SOX6: variants seen among roughly 807,000 people sequenced by gnomAD.
SOX6 encodes the protein transcription factor SOX-6.
A neutral mutation model predicts 97.8 loss-of-function variants in SOX6; 11 were observed. The ratio of observed to expected loss-of-function variants is 0.11; its 90% CI spans 0.07 to 0.19. The LOEUF (loss-of-function observed/expected upper bound fraction) is 0.19. Ranked by LOEUF, SOX6 falls within the 10% of genes least tolerant of loss-of-function variation. SOX6 has a pLI of 1.00. For synonymous variants in SOX6, 360 were observed against 371.4 expected (o/e 0.97, Z 0.35); for missense variants, 810 against 1,039.5 (o/e 0.78, Z 3.04).
At chr11:16,738,089 T>G (rs1848407997) in intron 1 of SOX6, among the ~76,000 whole-genome samples, 1 of 151,788 alleles carries the variant, frequency 6.6e-6, no homozygotes, top group Non-Finnish European at 1.5e-5. Context: ...CAACCGCCAA[T>G]TAGCCAACAT....
Position 16,300,303 on chromosome 11 carries a change from C to T in SOX6, c.445+18143G>A, listed in dbSNP as rs1036188849. 1.3e-5 allele frequency among the ~76,000 whole-genome samples: 2 copies of T among 152,166 alleles called. No homozygotes were observed. Among genetic ancestry groups the T allele is most frequent in the African/African-American group, 4.8e-5 (2 of 41,436 alleles). ...AATGGAGAAAGTCCACAATATTAGA[C>T]ATTTTTACTGTCCCTTCCTTAAGAA... On this transcript the variant is annotated intron_variant, in intron 3 of 15. Transcript: ENST00000683767. This position sits in a 1 kb window ranked among gnomAD's most constrained non-coding sequence, Gnocchi z 4.1.
intron 3 of SOX6, among the ~76,000 whole-genome samples, chr11:16,708,645 A>G (rs1848154444): frequency 6.6e-6 from 1 of 152,194 alleles, no homozygotes; most frequent in African/African-American, 2.4e-5. Context: ...AGAATTACCT[A>G]AAAACTCTGC....
At chr11:15,988,423 T>C (rs1853934644) in intron 14 of SOX6, among the ~76,000 whole-genome samples, 2 of 152,200 alleles carry the variant, frequency 1.3e-5, no homozygotes, top group African/African-American at 4.8e-5. Flanking sequence ...AAATTTGAAC[T>C]AGTCATATCT....
rs938701696 is a variant in SOX6, at chr11:16,300,748, C to G, written c.445+17698G>C. On this transcript the variant is annotated intron_variant, in intron 3 of 15. Coordinates refer to ENST00000683767, the MANE Select transcript of SOX6 (RefSeq NM_001367873.1). This position sits in a 1 kb window ranked among gnomAD's most constrained non-coding sequence, Gnocchi z 4.1. Reference sequence around the variant, plus strand: ...TTAACAACTAGGAAATTCACTTCTACCTAGGCCACCTCAACACTTCTAGAT... The same window carrying G: ...TTAACAACTAGGAAATTCACTTCTAGCTAGGCCACCTCAACACTTCTAGAT... Among the ~76,000 whole-genome samples, 2 of 152,096 alleles carry G rather than the reference C, an allele frequency of 1.3e-5. No homozygotes were observed. Among genetic ancestry groups the G allele is most frequent in the African/African-American group, 2.4e-5 (1 of 41,386 alleles).
In SOX6 at chr11:16,341,229, G is replaced by A. The variant is rs1161227001; in HGVS notation, c.20C>T (p.Thr7Ile). 1.9e-6 allele frequency: 3 copies of A among 1,613,300 alleles called. No individual in the cohort carries two copies. Among genetic ancestry groups the A allele is most frequent in the Admixed American group, 3.3e-5 (2 of 59,922 alleles). ...ATCAGCTGCACAGGCAAATGGAGAG[G>A]TGGCTTGCTTGGAAGACATTCTTCT... MSSKQA[T>I]SPFACAADGE... The change falls in exon 2 of 16, where the codon ACC (threonine) becomes ATC (isoleucine). Residue 7 changes from threonine (T) to isoleucine (I), a missense_variant. Thr to Ile is a moderately conservative substitution (Grantham distance 89, BLOSUM62 -1). This residue lies in a region of SOX6 where 100 missense variants were observed against 94.6 expected (regional missense o/e 1.06). Coordinates refer to ENST00000683767, the MANE Select transcript of SOX6 (RefSeq NM_001367873.1).
chr11:16,666,621 T>C (rs139165937), intron 3 of SOX6, among the ~76,000 whole-genome samples: 1 of 151,890 alleles, frequency 6.6e-6, no homozygotes, highest in East Asian at 1.9e-4. Context: ...GCCTGGCAAA[T>C]ATGGCAAAAC....
At chr11:16,092,723 A>G (rs1472829064) in intron 9 of SOX6, among the ~76,000 whole-genome samples, 1 of 151,924 alleles carries the variant, frequency 6.6e-6, no homozygotes, top group East Asian at 1.9e-4. Context: ...ATTTTGTTTA[A>G]TATAAGCTAC....
intron 12 of SOX6, among the ~76,000 whole-genome samples, chr11:16,043,186 A>G (rs1855725569): frequency 6.6e-6 from 1 of 152,156 alleles, no homozygotes. Flanking sequence ...TCAAAACAAC[A>G]AAATTTGGTA....
In SOX6 at chr11:16,300,497, G is replaced by A. The variant is rs1028623057; in HGVS notation, c.445+17949C>T. Among the ~76,000 whole-genome samples the A allele has an allele frequency of 3.3e-5, 5 of 152,090 alleles. No homozygotes were observed. Among genetic ancestry groups the A allele is most frequent in the African/African-American group, 4.8e-5 (2 of 41,434 alleles). ...AGTAAATAAGCAGTGGACACAAATC[G>A]TTATCCTTACTTACAGCTGCCCCAC... is the stretch of plus-strand genomic sequence containing the variant. On this transcript the variant is annotated intron_variant, in intron 3 of 15. Coordinates refer to ENST00000683767, the MANE Select transcript of SOX6 (RefSeq NM_001367873.1). The surrounding 1 kb of genome is among the most constrained non-coding windows in gnomAD (Gnocchi z 4.1).
At chr11:16,089,875 T>A (rs1304373312) in intron 9 of SOX6, among the ~76,000 whole-genome samples, 2 of 152,130 alleles carry the variant, frequency 1.3e-5, no homozygotes, top group Admixed American at 1.3e-4. Flanking sequence ...TCCTGACTTA[T>A]TCCATGGTTG....
chr11:16,544,629 T>A (rs1239456764), intron 4 of SOX6, among the ~76,000 whole-genome samples: 2 of 152,150 alleles, frequency 1.3e-5, no homozygotes, highest in East Asian at 3.9e-4. Context: ...TGCACAACAT[T>A]ATAAATATAC....
chr11:16,682,900 C>A (rs932149155), intron 3 of SOX6, among the ~76,000 whole-genome samples: 4 of 152,196 alleles, frequency 2.6e-5, no homozygotes, highest in African/African-American at 9.6e-5. Flanking sequence ...TCTCAGGATA[C>A]AAAATCAATG....
At chr11:16,675,460 C>A (rs914978787) in intron 3 of SOX6, among the ~76,000 whole-genome samples, 1 of 152,126 alleles carries the variant, frequency 6.6e-6, no homozygotes, top group East Asian at 1.9e-4. Flanking sequence ...CATAGATATA[C>A]AATTATTGGT....
intron 3 of SOX6, among the ~76,000 whole-genome samples, chr11:16,271,297 C>T (rs1854253296): frequency 6.6e-6 from 1 of 151,064 alleles, no homozygotes; most frequent in South Asian, 2.1e-4. Context: ...AGTATTTTTC[C>T]ATCAATATTT....
chr11:16,702,117 T>C (rs985991278), intron 3 of SOX6, among the ~76,000 whole-genome samples: 1 of 152,074 alleles, frequency 6.6e-6, no homozygotes, highest in East Asian at 1.9e-4. Context: ...GGAAATAGAG[T>C]GAACGAATTT....
intron 4 of SOX6, among the ~76,000 whole-genome samples, chr11:16,513,333 A>G (rs1590228825): frequency 1.3e-5 from 2 of 152,354 alleles, no homozygotes; most frequent in South Asian, 4.1e-4. Context: ...CAGGGGATAA[A>G]GTAAAACAGT....
chr11:16,418,512 A>G (rs1858967357), intron 1 of SOX6, among the ~76,000 whole-genome samples: 1 of 152,196 alleles, frequency 6.6e-6, no homozygotes, highest in African/African-American at 2.4e-5. Context: ...GCCTTAAAAA[A>G]AGTGCATCTG....
At chr11:16,554,139 C>A (rs1268990580) in intron 4 of SOX6, among the ~76,000 whole-genome samples, 1 of 152,088 alleles carries the variant, frequency 6.6e-6, no homozygotes, top group Non-Finnish European at 1.5e-5. Flanking sequence ...CAACTTGAGT[C>A]TTGTTATTCC....
At chr11:16,344,506 TTTACTATAACCAC>T (rs1463537690) in intron 1 of SOX6, among the ~76,000 whole-genome samples, 1 of 151,920 alleles carries the variant, frequency 6.6e-6, no homozygotes, top group African/African-American at 2.4e-5. Context: ...TGGTAATGCC[TTTACTATAACCAC>T]TGTACCATAG....
Sources: gnomAD v4.1 joint callset for allele counts (sites outside exome capture counted in the v4.1 genomes callset) on GRCh38, gnomAD v4.1.1 for gene constraint, gnomAD v4.1.1 regional missense constraint, Gnocchi (gnomAD v3.1) non-coding constraint, MANE v1.5 for transcripts, NCBI Gene and HGNC (gene_info 2026-07-23, HGNC 2026-07-21) for gene names.